The following ARMH3 variants were observed in gnomAD, a reference collection of about 807,000 sequenced individuals.
ARMH3 encodes armadillo-like helical domain-containing protein 3.
In ARMH3, 60 loss-of-function variants were observed where a neutral mutation model predicts 99.1. The observed-to-expected ratio is 0.61, with a 90% CI of 0.49 to 0.75. ARMH3 has a LOEUF of 0.75. ARMH3 is among the 30% of genes least tolerant of loss of function. The probability of loss-of-function intolerance (pLI) is 0.00; values close to 1 mark genes in which losing one functional copy is unlikely to be tolerated. For missense variants in ARMH3, 679 were observed against 843.1 expected (o/e 0.81, Z 2.41); for synonymous variants, 285 against 292.8 (o/e 0.97, Z 0.27).
intron 23 of ARMH3, among the ~76,000 whole-genome samples, chr10:101,901,126 T>C (rs1284852037): frequency 1.3e-5 from 2 of 150,390 alleles, no homozygotes; most frequent in Non-Finnish European, 3.0e-5. Flanking sequence ...AATACCTCAG[T>C]GGTGGAGGAG....
chr10:101,962,624 T>G (rs1845348132), intron 20 of ARMH3, among the ~76,000 whole-genome samples: 1 of 152,204 alleles, frequency 6.6e-6, no homozygotes. Flanking sequence ...TCTGATGAAG[T>G]AGGTATTATT....
chr10:101,964,758 C>G (rs1415505198), intron 20 of ARMH3, among the ~76,000 whole-genome samples: 1 of 151,934 alleles, frequency 6.6e-6, no homozygotes, highest in Non-Finnish European at 1.5e-5. Context: ...CACCTGTAAT[C>G]CCAGCACTTT....
intron 1 of ARMH3, among the ~76,000 whole-genome samples, chr10:102,041,058 A>G (rs1657807856): frequency 6.9e-6 from 1 of 144,000 alleles, no homozygotes; most frequent in Non-Finnish European, 1.5e-5. Context: ...TACTACTTTC[A>G]AATTTAATTG....
intron 23 of ARMH3, among the ~76,000 whole-genome samples, chr10:101,936,924 T>C (rs2135701928): frequency 1.3e-5 from 2 of 152,334 alleles, no homozygotes; most frequent in South Asian, 4.1e-4. Context: ...AGCTTTCATA[T>C]GCATTACATT....
At chr10:102,054,508 G>A (rs1251426235) in intron 1 of ARMH3, among the ~76,000 whole-genome samples, 1 of 152,096 alleles carries the variant, frequency 6.6e-6, no homozygotes, top group African/African-American at 2.4e-5. Flanking sequence ...TAACAAGAGG[G>A]ATCCCTCTTT....
chr10:101,912,675 T>C (rs554977413), intron 23 of ARMH3, among the ~76,000 whole-genome samples: 23 of 152,366 alleles, frequency 1.5e-4, no homozygotes, highest in African/African-American at 5.3e-4. Flanking sequence ...TCTTGCCTGA[T>C]TGCACTGTTT....
At chr10:101,971,989 T>C (rs1845790266) in intron 20 of ARMH3, among the ~76,000 whole-genome samples, 1 of 152,242 alleles carries the variant, frequency 6.6e-6, no homozygotes, top group Non-Finnish European at 1.5e-5. Context: ...CCTTTCCATA[T>C]TCTAGTTAAA....
At chr10:101,940,756 C>T (rs1031195892) in intron 22 of ARMH3, among the ~76,000 whole-genome samples, 4 of 152,140 alleles carry the variant, frequency 2.6e-5, no homozygotes, top group African/African-American at 7.2e-5. Context: ...TCTACAAGAA[C>T]GTTCTTCCCT....
intron 23 of ARMH3, among the ~76,000 whole-genome samples, chr10:101,926,419 A>C (rs1269575993): frequency 6.6e-6 from 1 of 152,072 alleles, no homozygotes; most frequent in Non-Finnish European, 1.5e-5. Context: ...CAGCCTCCCA[A>C]AGCGCTGGGA....
chr10:102,004,004 T>G (rs2066427520), intron 14 of ARMH3, among the ~76,000 whole-genome samples: 1 of 152,216 alleles, frequency 6.6e-6, no homozygotes, highest in African/African-American at 2.4e-5. Context: ...AGGAGGCACC[T>G]AACTGGTAAG....
chr10:102,036,262 G>A (rs1368997912), intron 2 of ARMH3, among the ~76,000 whole-genome samples: 1 of 97,688 alleles, frequency 1.0e-5, no homozygotes, highest in African/African-American at 3.5e-5. Flanking sequence ...AGATGGGGGG[G>A]CACATCCGCC....
chr10:101,849,061 G>A (rs958798956), intron 25 of ARMH3, among the ~76,000 whole-genome samples: 6 of 152,316 alleles, frequency 3.9e-5, no homozygotes, highest in East Asian at 3.9e-4. Flanking sequence ...CTGAGCTGAC[G>A]CAAGTTCAGC....
At chr10:101,985,183 T>G (rs1846423769) in intron 19 of ARMH3, among the ~76,000 whole-genome samples, 1 of 144,808 alleles carries the variant, frequency 6.9e-6, no homozygotes, top group Non-Finnish European at 1.5e-5. Context: ...CATATATGAA[T>G]ATATATGTGT....
At position 101,955,525 on chromosome 10, in the gene ARMH3, G is replaced by GA. The variant is rs914304104; in HGVS notation, c.1705+1071dup. Among the ~76,000 whole-genome samples the GA allele has an allele frequency of 7.3e-5, 11 of 151,518 alleles. No homozygotes were observed. In the South Asian group the frequency reaches 1.5e-3, roughly 20 times the overall value. ...CTTCTCTAAAAAATAAAGTATACTA[G>GA]AAAAAAAAATATTTTCCTCCCAGGC... On this transcript the variant is annotated intron_variant, in intron 22 of 25. Transcript: ENST00000370033.
chr10:101,984,761 G>C (rs1317493835), intron 19 of ARMH3, among the ~76,000 whole-genome samples: 1 of 151,890 alleles, frequency 6.6e-6, no homozygotes, highest in Non-Finnish European at 1.5e-5. Flanking sequence ...CCACTGCTAT[G>C]GCCTTAAAAA....
intron 22 of ARMH3, among the ~76,000 whole-genome samples, chr10:101,943,124 T>C (rs1048053121): frequency 6.6e-6 from 1 of 152,166 alleles, no homozygotes; most frequent in African/African-American, 2.4e-5. Context: ...TGCCAAGTTG[T>C]AGACATAGAG....
chr10:101,905,741 A>G (rs2068086633), intron 23 of ARMH3, among the ~76,000 whole-genome samples: 1 of 152,248 alleles, frequency 6.6e-6, no homozygotes, highest in Non-Finnish European at 1.5e-5. Context: ...ATCCCTATCA[A>G]TGATGAAGAA....
chr10:101,872,724 A>G (rs1252991791), intron 24 of ARMH3, among the ~76,000 whole-genome samples: 1 of 151,968 alleles, frequency 6.6e-6, no homozygotes, highest in African/African-American at 2.4e-5. Flanking sequence ...TTGGGTAGCC[A>G]AGGCAGGTGG....
intron 15 of ARMH3, among the ~76,000 whole-genome samples, chr10:102,001,606 G>A (rs539103012): frequency 3.3e-5 from 5 of 152,292 alleles, no homozygotes; most frequent in African/African-American, 9.6e-5. Flanking sequence ...ACCACGAGCT[G>A]ATGCTTTCAG....
Sources: gnomAD v4.1 joint callset for allele counts (sites outside exome capture counted in the v4.1 genomes callset) on GRCh38, gnomAD v4.1.1 for gene constraint, MANE v1.5 for transcripts, NCBI Gene and HGNC (gene_info 2026-07-23, HGNC 2026-07-21) for gene names.